Variants in PDE8A observed in about 807,000 individuals in gnomAD.
PDE8A encodes the protein high affinity cAMP-specific and IBMX-insensitive 3',5'-cyclic phosphodiesterase 8A.
In PDE8A, 59 loss-of-function variants were observed where a neutral mutation model predicts 105.0. That is an observed-to-expected ratio of 0.56 (90% CI 0.46 to 0.70). PDE8A has a LOEUF of 0.70. PDE8A is among the 30% of genes least tolerant of loss of function. PDE8A has a pLI of 0.00. For synonymous variants in PDE8A, 355 were observed against 371.9 expected (o/e 0.95, Z 0.52); for missense variants, 1,014 against 1,045.9 (o/e 0.97, Z 0.42).
intron 1 of PDE8A, among the ~76,000 whole-genome samples, chr15:85,042,356 AG>A (rs1229347757): frequency 2.0e-5 from 3 of 152,054 alleles, no homozygotes; most frequent in Non-Finnish European, 4.4e-5. Flanking sequence ...TTGTAGAGAC[AG>A]CATCTCGCTA....
At chr15:85,093,267 A>G (rs2081679409) in intron 8 of PDE8A, among the ~76,000 whole-genome samples, 2 of 152,170 alleles carry the variant, frequency 1.3e-5, no homozygotes, top group Admixed American at 1.3e-4. Flanking sequence ...TTTGGGGAGC[A>G]TGGAAAAGCA....
intron 7 of PDE8A, among the ~76,000 whole-genome samples, chr15:85,090,146 T>C (rs2141527980): frequency 6.6e-6 from 1 of 152,260 alleles, no homozygotes; most frequent in African/African-American, 2.4e-5. Context: ...CGTGGGCCAG[T>C]GTTTGAGGGC....
intron 15 of PDE8A, chr15:85,115,694 G>A: frequency 1.8e-6 from 1 of 541,096 alleles, no homozygotes; most frequent in Non-Finnish European, 3.2e-6. Context: ...CGCCGAGATG[G>A]GCAGATCACA....
At chr15:85,016,953 T>C (rs1338149622) in intron 1 of PDE8A, among the ~76,000 whole-genome samples, 2 of 151,378 alleles carry the variant, frequency 1.3e-5, no homozygotes, top group Non-Finnish European at 3.0e-5. Flanking sequence ...AATTTCCCTT[T>C]TTTTTTTTTT....
At chr15:85,104,382 T>C (rs1229883595) in intron 11 of PDE8A, among the ~76,000 whole-genome samples, 1 of 152,092 alleles carries the variant, frequency 6.6e-6, no homozygotes, top group Non-Finnish European at 1.5e-5. Context: ...GAAGCGAGGC[T>C]GGGGCAGGCC....
chr15:85,052,652 C>T (rs113055376), intron 1 of PDE8A, among the ~76,000 whole-genome samples: 3 of 152,122 alleles, frequency 2.0e-5, no homozygotes, highest in African/African-American at 4.8e-5. Flanking sequence ...TATCCTTTGC[C>T]CACTTGTTGA....
chr15:85,050,897 G>T (rs779450659), intron 1 of PDE8A, among the ~76,000 whole-genome samples: 38 of 152,274 alleles, frequency 2.5e-4, no homozygotes, highest in Admixed American at 4.6e-4. Context: ...AGATTGCTCT[G>T]AGTAGTATTG....
At chr15:85,092,125 T>G (rs2081654419) in intron 8 of PDE8A, among the ~76,000 whole-genome samples, 1 of 152,082 alleles carries the variant, frequency 6.6e-6, no homozygotes, top group South Asian at 2.1e-4. Flanking sequence ...TCCGCTCATC[T>G]TGGACCCCAT....
chr15:84,998,644 G>T (rs1273809656), intron 1 of PDE8A, among the ~76,000 whole-genome samples: 1 of 152,152 alleles, frequency 6.6e-6, no homozygotes, highest in African/African-American at 2.4e-5. Context: ...CTGTATTTTT[G>T]ATCAGCTTCC....
At chr15:85,129,687 C>G (rs546324790) in intron 20 of PDE8A, among the ~76,000 whole-genome samples, 1 of 151,446 alleles carries the variant, frequency 6.6e-6, no homozygotes, top group Non-Finnish European at 1.5e-5. Flanking sequence ...TTTTTCTGTT[C>G]TCTATATACC....
At chr15:85,095,874 AT>A (rs202150429) in intron 8 of PDE8A, among the ~76,000 whole-genome samples, 124 of 99,568 alleles carry the variant, frequency 1.2e-3, no homozygotes, top group African/African-American at 1.8e-3. Flanking sequence ...ATATATATAT[AT>A]TTTTTTTATA....
chr15:85,113,371 C>T lies in PDE8A; in HGVS notation c.1115-6C>T. 1.9e-6 allele frequency: 3 copies of T among 1,613,732 alleles called. No homozygotes were observed. The highest frequency in any genetic ancestry group is 2.5e-6 in the Non-Finnish European group (3 of 1,179,666). On this transcript the variant is annotated splice_region_variant and splice_polypyrimidine_tract_variant and intron_variant, in intron 12 of 21. Transcript: ENST00000394553. ...TGCCCTGATTTGTGCATCCCTTTCT[C>T]CACAGTTTCCAGCCAGAGACGACAC...
intron 19 of PDE8A, among the ~76,000 whole-genome samples, chr15:85,123,746 ACACT>A (rs2082218363): frequency 1.3e-5 from 2 of 152,216 alleles, no homozygotes; most frequent in South Asian, 4.1e-4. Context: ...AATCAAGTTG[ACACT>A]CAGTATTAAC....
chr15:85,117,752 T>C lies in PDE8A; in HGVS notation c.1647T>C (p.Tyr549=). 1 of 1,613,928 alleles carries C rather than the reference T, an allele frequency of 6.2e-7. No homozygotes were observed. Among genetic ancestry groups the C allele is most frequent in the Non-Finnish European group, 8.5e-7 (1 of 1,179,748 alleles). The stretch of plus-strand genomic sequence containing the variant: ...GGTTACAAATTATCGAAGCCAATTA[T>C]CATTCCTCCAATCCCTACCACAATT... The part of the protein sequence containing the change: ...RSWLQIIEAN[Y]HSSNPYHNST... Residue 549 remains tyrosine (Y), a synonymous_variant, in exon 17 of 22, where the codon TAT becomes TAC. Coordinates refer to ENST00000394553, the MANE Select transcript of PDE8A (RefSeq NM_002605.3).
At chr15:85,087,177 C>T (rs963707338) in intron 6 of PDE8A, among the ~76,000 whole-genome samples, 4 of 151,394 alleles carry the variant, frequency 2.6e-5, no homozygotes, top group South Asian at 2.1e-4. Context: ...TTTAGTAATA[C>T]CAGCAATAAT....
intron 20 of PDE8A, among the ~76,000 whole-genome samples, chr15:85,131,051 C>T (rs1446994804): frequency 6.6e-6 from 1 of 152,180 alleles, no homozygotes; most frequent in East Asian, 1.9e-4. Context: ...GCCACCGCGC[C>T]TGGCCTGTAA....
chr15:85,006,435 CAGTT>C (rs749838533), intron 1 of PDE8A, among the ~76,000 whole-genome samples: 6 of 152,046 alleles, frequency 3.9e-5, no homozygotes, highest in African/African-American at 9.7e-5. Context: ...TCCAGGCACT[CAGTT>C]AGTTTGATTT....
intron 1 of PDE8A, among the ~76,000 whole-genome samples, chr15:85,049,174 A>T (rs952741362): frequency 7.2e-5 from 11 of 152,312 alleles, no homozygotes; most frequent in African/African-American, 2.6e-4. Context: ...TGATTTTAAA[A>T]AATATGGTAA....
chr15:85,099,552 C>T (rs184075420), intron 9 of PDE8A, among the ~76,000 whole-genome samples: 3 of 152,328 alleles, frequency 2.0e-5, no homozygotes, highest in African/African-American at 2.4e-5. Context: ...GCTAAGCCCT[C>T]GTTGCTTTGT....
Sources: gnomAD v4.1 joint callset for allele counts (sites outside exome capture counted in the v4.1 genomes callset) on GRCh38, gnomAD v4.1.1 for gene constraint, MANE v1.5 for transcripts, NCBI Gene and HGNC (gene_info 2026-07-23, HGNC 2026-07-21) for gene names.